The following ZNF516 variants were observed in gnomAD, a reference collection of about 807,000 sequenced individuals.
ZNF516 encodes the protein zinc finger protein 516.
A neutral mutation model predicts 79.7 loss-of-function variants in ZNF516; 19 were observed. The observed-to-expected ratio is 0.24, with a 90% CI of 0.17 to 0.35. The LOEUF (loss-of-function observed/expected upper bound fraction) is 0.35, where lower values mean the gene tolerates loss of function less well. Ranked by LOEUF, ZNF516 falls within the 10% of genes least tolerant of loss-of-function variation. ZNF516 has a pLI of 1.00. For synonymous variants in ZNF516, 877 were observed against 739.5 expected, an observed-to-expected ratio of 1.19 and a Z score of -3.02; for missense variants, 1,678 against 1,679.5, an observed-to-expected ratio of 1.00 and a Z score of 0.02.
At chr18:76,443,961 G>GC (rs1911887962) in intron 2 of ZNF516, among the ~76,000 whole-genome samples, 1 of 152,196 alleles carries the variant, frequency 6.6e-6, no homozygotes, top group Non-Finnish European at 1.5e-5. Context: ...GAGGGCAGAG[G>GC]CCCACTCCCT....
At chr18:76,401,261 T>G (rs1296189645) in intron 3 of ZNF516, among the ~76,000 whole-genome samples, 2 of 151,744 alleles carry the variant, frequency 1.3e-5, no homozygotes, top group African/African-American at 4.8e-5. Context: ...TTTTTTTTTT[T>G]TTTTTGTGAA....
rs113225589 is a variant in ZNF516, at chr18:76,441,756, G to A, written c.1299C>T (p.Tyr433=). 0.023 allele frequency: 35,653 copies of A among 1,569,378 alleles called. 520 individuals are homozygous for A. Among genetic ancestry groups the A allele is most frequent in the East Asian group, 0.029 (1,249 of 42,510 alleles). The change falls in exon 3 of 7, where the codon TAC becomes TAT. Residue 433 remains tyrosine, a synonymous_variant. Coordinates refer to ENST00000443185, the MANE Select transcript of ZNF516 (RefSeq NM_014643.4). ...TRGKVAEPAE[Y]LKYGAWDEAL... is the part of the protein sequence containing the mutation. ...CCTCGTCCCAGGCCCCGTACTTGAGGTACTCGGCCGGCTCGGCCACCTTAC... is the reference window on the plus strand; with the variant it reads ...CCTCGTCCCAGGCCCCGTACTTGAGATACTCGGCCGGCTCGGCCACCTTAC...
intron 3 of ZNF516, chr18:76,386,615 T>C (rs2074996562): frequency 6.6e-6 from 1 of 152,184 alleles, no homozygotes; most frequent in South Asian, 2.1e-4. Flanking sequence ...ATAAAACTTC[T>C]CACCTCCCAA....
chr18:76,424,617 AGGTGAAAAGGCTCCCCCGAAACACACG>A, intron 3 of ZNF516, among the ~76,000 whole-genome samples: 1 of 128,324 alleles, frequency 7.8e-6, no homozygotes, highest in Non-Finnish European at 1.6e-5. Context: ...AAACACACGC[AGGTGAAAAGGCTCCCCCGAAACACACG>A]CAGGTGAAAA....
At chr18:76,407,496 C>T (rs1039166719) in intron 3 of ZNF516, among the ~76,000 whole-genome samples, 2 of 152,094 alleles carry the variant, frequency 1.3e-5, no homozygotes, top group Non-Finnish European at 2.9e-5. Flanking sequence ...GGGGCTCGGG[C>T]GGCAGCATCC....
chr18:76,379,403 G>T lies in ZNF516; in HGVS notation c.2711C>A (p.Pro904His), dbSNP rs941648977. ...AGCCTCCTGCCTGGGCTTGGCCAGGGGCCCCTGTGTGGCCGCGCCATGTGG... is the reference window on the plus strand; with the variant it reads ...AGCCTCCTGCCTGGGCTTGGCCAGGTGCCCCTGTGTGGCCGCGCCATGTGG... Reference protein sequence around the residue: ...QEPHGAATQGPLAKPRQEASS... With the variant: ...QEPHGAATQGHLAKPRQEASS... The change falls in exon 4 of 7, where the codon CCC becomes CAC. Residue 904 changes from proline (P) to histidine (H), a missense_variant. By Grantham distance (77) the Pro-to-His change is moderately conservative (BLOSUM62 -2). Transcript: ENST00000443185. 1 of 1,605,960 alleles carries T rather than the reference G, an allele frequency of 6.2e-7. No individual in the cohort carries two copies.
At chr18:76,492,660 C>T in intron 1 of ZNF516, 1 of 946,732 alleles carries the variant, frequency 1.1e-6, no homozygotes, top group Non-Finnish European at 1.3e-6. Context: ...CACCAGGGCG[C>T]GCGTGCCCAG....
chr18:76,454,279 C>T lies in ZNF516; in HGVS notation c.-158+8749G>A, dbSNP rs763962413. On this transcript the variant is annotated intron_variant, in intron 2 of 6. Transcript: ENST00000443185. ...ACCAAATTCTAAGCAATTGCTTACG[C>T]ATTTTTTGTTAAAAGAAAAAAACAG... Among the ~76,000 whole-genome samples, 9 of 152,186 alleles carry T rather than the reference C, an allele frequency of 5.9e-5. No individual in the cohort carries two copies. The South Asian group carries it at 1.0e-3, about 17-fold the overall frequency.
At chr18:76,384,459 C>A (rs1238269574) in intron 3 of ZNF516, among the ~76,000 whole-genome samples, 1 of 133,430 alleles carries the variant, frequency 7.5e-6, no homozygotes, top group Non-Finnish European at 1.6e-5. Flanking sequence ...GCCCCCCACG[C>A]CCCCACCACG....
chr18:76,464,063 C>T (rs1393823111), intron 1 of ZNF516, among the ~76,000 whole-genome samples: 1 of 152,130 alleles, frequency 6.6e-6, no homozygotes, highest in African/African-American at 2.4e-5. Flanking sequence ...GGTGCTCACA[C>T]CTGTCATCCC....
At position 76,442,150 on chromosome 18, in the gene ZNF516, G is replaced by T. The variant is rs1172742819; in HGVS notation, c.905C>A (p.Thr302Lys). ...KNHMKAHGPK[T>K]GSKNRPKSEL... is the part of the protein sequence containing the mutation. ...ACTCTTGGGCCTGTTCTTGCTGCCC[G>T]TCTTGGGGCCGTGCGCCTTCATGTG... Residue 302 changes from threonine to lysine, a missense_variant, in exon 3 of 7, where the codon ACG (threonine) becomes AAG (lysine). Transcript: ENST00000443185. 6.2e-7 allele frequency: 1 copy of T among 1,613,810 alleles called. No homozygotes were observed. The highest frequency in any genetic ancestry group is 8.5e-7 in the Non-Finnish European group (1 of 1,179,892).
intron 1 of ZNF516, among the ~76,000 whole-genome samples, chr18:76,473,913 G>GGGA: frequency 7.3e-6 from 1 of 137,810 alleles, no homozygotes; most frequent in African/African-American, 2.6e-5. Context: ...TGGGGGGGGG[G>GGGA]GGGGCTTTCT....
At chr18:76,370,443 G>A in intron 6 of ZNF516, 85 bp downstream of exon 6, 1 of 1,287,728 alleles carries the variant, frequency 7.8e-7, no homozygotes, top group Non-Finnish European at 1.1e-6. Context: ...CAAAAAGAAG[G>A]TCATGCTTCA....
At chr18:76,378,740 C>A in intron 4 of ZNF516, 115 bp downstream of exon 4, 2 of 1,426,506 alleles carry the variant, frequency 1.4e-6, no homozygotes, top group Non-Finnish European at 1.9e-6. Flanking sequence ...GGGATGGGGC[C>A]GGCTGGCTCT....
At chr18:76,457,730 A>G (rs928535388) in intron 2 of ZNF516, among the ~76,000 whole-genome samples, 8 of 152,142 alleles carry the variant, frequency 5.3e-5, no homozygotes, top group Admixed American at 2.6e-4. Flanking sequence ...ATAAAAATAA[A>G]AAAGAGTGAT....
At chr18:76,480,051 C>T (rs1914411068) in intron 1 of ZNF516, among the ~76,000 whole-genome samples, 1 of 148,744 alleles carries the variant, frequency 6.7e-6, no homozygotes, top group African/African-American at 2.5e-5. Context: ...CGGTTTGTGG[C>T]GGGGCGCCCC....
At chr18:76,445,206 G>C (rs991325974) in intron 2 of ZNF516, among the ~76,000 whole-genome samples, 9 of 150,270 alleles carry the variant, frequency 6.0e-5, no homozygotes, top group Non-Finnish European at 1.5e-5. Context: ...GCAGTGAGCT[G>C]AGATCATGCC....
In ZNF516 at chr18:76,467,016, G is replaced by A. The variant is rs1308739705; in HGVS notation, c.-271-3875C>T. ...GGCCCTGGGAGGCAGGGGGGCCCCA[G>A]AGAGGCAAAACCCAGGAGACGCTGG... On this transcript the variant is annotated intron_variant, in intron 1 of 6. Coordinates refer to ENST00000443185, the MANE Select transcript of ZNF516 (RefSeq NM_014643.4). This position sits in a 1 kb window ranked among gnomAD's most constrained non-coding sequence, Gnocchi z 4.2. Among the ~76,000 whole-genome samples the A allele has an allele frequency of 1.3e-5, 2 of 152,176 alleles. No homozygotes were observed. The highest frequency in any genetic ancestry group is 4.8e-5 in the African/African-American group (2 of 41,448).
chr18:76,373,551 T>C (rs376370626), intron 4 of ZNF516, among the ~76,000 whole-genome samples: 2 of 152,232 alleles, frequency 1.3e-5, no homozygotes, highest in African/African-American at 4.8e-5. Flanking sequence ...CGACATGCAA[T>C]GTCATCTGTG....
Sources: gnomAD v4.1 joint callset for allele counts (sites outside exome capture counted in the v4.1 genomes callset) on GRCh38, gnomAD v4.1.1 for gene constraint, Gnocchi (gnomAD v3.1) non-coding constraint, MANE v1.5 for transcripts, NCBI Gene and HGNC (gene_info 2026-07-23, HGNC 2026-07-21) for gene names.